Variants in IGF2R observed in about 807,000 individuals in gnomAD.
IGF2R encodes cation-independent mannose-6-phosphate receptor.
In IGF2R, 91 loss-of-function variants were observed where a neutral mutation model predicts 270.6. The ratio of observed to expected loss-of-function variants is 0.34; its 90% CI spans 0.28 to 0.40. The LOEUF (loss-of-function observed/expected upper bound fraction) is 0.40. IGF2R is among the 10% of genes least tolerant of loss of function. IGF2R has a pLI of 1.00. For missense variants in IGF2R, 2,805 were observed against 3,188.3 expected, an observed-to-expected ratio of 0.88 and a Z score of 2.90; for synonymous variants, 1,316 against 1,258.9, an observed-to-expected ratio of 1.05 and a Z score of -0.96.
At chr6:159,992,039 A>G (rs1483425593) in intron 2 of IGF2R, among the ~76,000 whole-genome samples, 2 of 152,192 alleles carry the variant, frequency 1.3e-5, no homozygotes, top group African/African-American at 4.8e-5. Flanking sequence ...ATTTGGCAAC[A>G]TGGATGTCCG....
In IGF2R at chr6:160,060,621, C is replaced by G. The variant is rs777346478; in HGVS notation, c.3166C>G (p.Gln1056Glu). Residue 1056 changes from glutamine to glutamate, a missense_variant, in exon 23 of 48, where the codon CAA becomes GAA. Around this residue, in one of 2 missense-constraint regions of IGF2R, gnomAD observed 1,851 missense variants for 2,207.2 expected, o/e 0.84. Coordinates refer to ENST00000356956, the MANE Select transcript of IGF2R (RefSeq NM_000876.4). ...CTCAGGGCCCCTCAAATTCCTGCAT[C>G]AAGATATCGACTCTGGGCAAGGGAT... ...VYSGPLKFLH[Q>E]DIDSGQGIRN... The G allele has an allele frequency of 1.2e-6, 2 of 1,614,250 alleles. No individual in the cohort carries two copies. The highest frequency in any genetic ancestry group is 1.1e-5 in the South Asian group (1 of 91,088).
At chr6:159,976,485 T>C (rs1168045298) in intron 1 of IGF2R, among the ~76,000 whole-genome samples, 1 of 152,276 alleles carries the variant, frequency 6.6e-6, no homozygotes, top group Non-Finnish European at 1.5e-5. Context: ...TTTGCAATTT[T>C]ATTAATTTAT....
chr6:160,026,168 C>G (rs1303135559), intron 5 of IGF2R, among the ~76,000 whole-genome samples: 1 of 152,202 alleles, frequency 6.6e-6, no homozygotes, highest in Non-Finnish European at 1.5e-5. Flanking sequence ...AGTGGATTGT[C>G]TTACACTGAG....
At chr6:160,027,742 G>A (rs1292403026) in intron 6 of IGF2R, among the ~76,000 whole-genome samples, 1 of 152,230 alleles carries the variant, frequency 6.6e-6, no homozygotes, top group South Asian at 2.1e-4. Flanking sequence ...GGTTCCCAGT[G>A]GGGAATGGTG....
intron 44 of IGF2R, chr6:160,093,417 G>A (rs1004806243): frequency 2.8e-5 from 9 of 327,016 alleles, no homozygotes; most frequent in Non-Finnish European, 2.9e-5. Context: ...TCCTGGCACA[G>A]TGATGGGGTC....
At chr6:160,073,133 C>T in intron 33 of IGF2R, 80 bp from the exon 34 acceptor site, 2 of 1,561,076 alleles carry the variant, frequency 1.3e-6, no homozygotes, top group Non-Finnish European at 1.7e-6. Flanking sequence ...ATTGATGGTC[C>T]TGACTTGCGA....
intron 44 of IGF2R, 89 bp from the exon 45 acceptor site, chr6:160,096,350 T>G (rs1427400016): frequency 6.5e-6 from 8 of 1,234,242 alleles, no homozygotes; most frequent in Non-Finnish European, 9.1e-6. Context: ...TTTAAGTCTT[T>G]GCAAACTTTT....
intron 4 of IGF2R, among the ~76,000 whole-genome samples, chr6:160,023,458 AAGTGATGATG>A (rs1436182338): frequency 6.6e-6 from 1 of 152,202 alleles, no homozygotes; most frequent in Non-Finnish European, 1.5e-5. Context: ...TTGTGTATCC[AAGTGATGATG>A]ATAAACAACA....
At chr6:160,043,667 T>C (rs976909202) in intron 12 of IGF2R, among the ~76,000 whole-genome samples, 18 of 152,276 alleles carry the variant, frequency 1.2e-4, no homozygotes, top group Non-Finnish European at 1.9e-4. Flanking sequence ...TTGAGTGAAG[T>C]GTAATCTCAG....
intron 2 of IGF2R, among the ~76,000 whole-genome samples, chr6:159,996,785 C>T (rs781097224): frequency 5.3e-5 from 8 of 152,230 alleles, no homozygotes; most frequent in Non-Finnish European, 5.9e-5. Context: ...ACCCAAAGCA[C>T]ACACATTTGT....
chr6:160,086,885 G>A (rs1282326921), intron 41 of IGF2R, among the ~76,000 whole-genome samples: 1 of 152,110 alleles, frequency 6.6e-6, no homozygotes, highest in Non-Finnish European at 1.5e-5. Flanking sequence ...CTGTGTGTGT[G>A]TGGTCAGGGT....
At chr6:159,973,215 A>G (rs3798207) in intron 1 of IGF2R, among the ~76,000 whole-genome samples, 30,365 of 152,006 alleles carry the variant, frequency 0.2, 3,482 homozygotes, top group East Asian at 0.47. Context: ...AAGTGATCTC[A>G]GCTTGTCAGT....
At chr6:160,062,381 C>T in intron 25 of IGF2R, 151 bp from the exon 26 acceptor site, 5 of 641,190 alleles carry the variant, frequency 7.8e-6, no homozygotes, top group South Asian at 6.9e-5. Context: ...ACCATCTTGG[C>T]CAGGCTGATC....
intron 13 of IGF2R, among the ~76,000 whole-genome samples, chr6:160,045,390 G>T (rs376616920): frequency 6.6e-6 from 1 of 152,240 alleles, no homozygotes; most frequent in South Asian, 2.1e-4. Context: ...ACAACATAAC[G>T]TAAAATGTAC....
intron 4 of IGF2R, among the ~76,000 whole-genome samples, chr6:160,022,320 T>C (rs1777456486): frequency 6.6e-6 from 1 of 152,168 alleles, no homozygotes; most frequent in Admixed American, 6.5e-5. Context: ...CAGTGCTGGT[T>C]ACACTAAAAG....
At position 160,032,563 on chromosome 6, in the gene IGF2R, A is replaced by G; in HGVS notation, c.895A>G (p.Lys299Glu). The G allele has an allele frequency of 6.2e-7, 1 of 1,614,044 alleles. No homozygotes were observed. Among genetic ancestry groups the G allele is most frequent in the Non-Finnish European group, 8.5e-7 (1 of 1,179,976 alleles). The change falls in exon 8 of 48, where the codon AAA becomes GAA. Residue 299 changes from lysine (K) to glutamate (E), a missense_variant. Lys to Glu is a moderately conservative substitution (Grantham distance 56). Coordinates refer to ENST00000356956, the MANE Select transcript of IGF2R (RefSeq NM_000876.4). Reference protein sequence around the residue: ...PSERREGTIPKLTAKSNCRYE... With the variant: ...PSERREGTIPELTAKSNCRYE... ...TTGTTCCTGATAGGGCACCATTCCC[A>G]AACTCACAGCTAAATCCAACTGCCG...
At chr6:159,978,069 T>C (rs1783721722) in intron 1 of IGF2R, among the ~76,000 whole-genome samples, 1 of 152,138 alleles carries the variant, frequency 6.6e-6, no homozygotes, top group African/African-American at 2.4e-5. Context: ...TTATAACCTG[T>C]TTCTCGCCCT....
At position 160,032,552 on chromosome 6, in the gene IGF2R, G is replaced by A. The variant is rs1447597837; in HGVS notation, c.884G>A (p.Gly295Asp). Residue 295 changes from glycine to aspartate, a missense_variant and splice_region_variant, in exon 8 of 48, where the codon GGC becomes GAC. Gly to Asp is a moderately conservative substitution (Grantham distance 94). Around this residue, in one of 2 missense-constraint regions of IGF2R, gnomAD observed 954 missense variants for 981.1 expected, o/e 0.97. Transcript: ENST00000356956. ...TFVCPSERREGTIPKLTAKSN... is the reference protein window; with the variant it reads ...TFVCPSERREDTIPKLTAKSN... ...CTTCTTTCACATTGTTCCTGATAGG[G>A]CACCATTCCCAAACTCACAGCTAAA... 3 of 1,613,214 alleles carry A rather than the reference G, an allele frequency of 1.9e-6. No homozygotes were observed. Among genetic ancestry groups the A allele is most frequent in the African/African-American group, 1.3e-5 (1 of 74,890 alleles).
intron 7 of IGF2R, among the ~76,000 whole-genome samples, chr6:160,030,910 G>A (rs532968251): frequency 4.7e-5 from 7 of 150,050 alleles, no homozygotes; most frequent in East Asian, 4.0e-4. Flanking sequence ...TACAATCTCC[G>A]CCTCCCTAGT....
Sources: gnomAD v4.1 joint callset for allele counts (sites outside exome capture counted in the v4.1 genomes callset) on GRCh38, gnomAD v4.1.1 for gene constraint, gnomAD v4.1.1 regional missense constraint, MANE v1.5 for transcripts, NCBI Gene and HGNC (gene_info 2026-07-23, HGNC 2026-07-21) for gene names.